Variants in ADAMTS6 observed in about 807,000 individuals in gnomAD.
ADAMTS6 encodes the protein A disintegrin and metalloproteinase with thrombospondin motifs 6.
A neutral mutation model predicts 144.3 loss-of-function variants in ADAMTS6; 23 were observed. The observed-to-expected ratio is 0.16, with a 90% CI of 0.11 to 0.23. ADAMTS6 has a LOEUF of 0.23. Among genes scored for constraint, ADAMTS6 ranks in the 10% least tolerant of loss-of-function variants. ADAMTS6 has a pLI of 1.00. For synonymous variants in ADAMTS6, 444 were observed against 457.5 expected (o/e 0.97, Z 0.38); for missense variants, 999 against 1,379.6 (o/e 0.72, Z 4.37).
intron 11 of ADAMTS6, among the ~76,000 whole-genome samples, chr5:65,276,692 G>A (rs1330013849): frequency 9.9e-5 from 15 of 152,138 alleles, no homozygotes; most frequent in Non-Finnish European, 1.5e-5. Flanking sequence ...CATATTAGTT[G>A]CTGAATAAGC....
At position 65,452,710 on chromosome 5, in the gene ADAMTS6, A is replaced by T; in HGVS notation, c.840T>A (p.Asn280Lys). The T allele has an allele frequency of 6.2e-7, 1 of 1,613,970 alleles. No individual in the cohort carries two copies. Among genetic ancestry groups the T allele is most frequent in the Admixed American group, 1.7e-5 (1 of 60,018 alleles). Residue 280 changes from asparagine to lysine, a missense_variant, in exon 5 of 25, where the codon AAT becomes AAA. By Grantham distance (94) the Asn-to-Lys change is moderately conservative. Around this residue, in one of 3 missense-constraint regions of ADAMTS6, gnomAD observed 128 missense variants for 249.0 expected, o/e 0.51. Transcript: ENST00000381055. ...DIEHYILSVM[N>K]IVAKLYRDSS... Reference sequence around the variant, plus strand: ...TATATAGAGGGATCAAACTTACAATATTCATCACACTCAAAATGTAATGTT... The same window carrying T: ...TATATAGAGGGATCAAACTTACAATTTTCATCACACTCAAAATGTAATGTT...
intron 7 of ADAMTS6, among the ~76,000 whole-genome samples, chr5:65,396,302 T>G (rs1753332321): frequency 6.6e-6 from 1 of 152,186 alleles, no homozygotes; most frequent in Non-Finnish European, 1.5e-5. Flanking sequence ...TAATAATTAT[T>G]GCCAAGAATT....
chr5:65,192,398 T>C (rs1446627508), intron 21 of ADAMTS6, among the ~76,000 whole-genome samples: 2 of 152,056 alleles, frequency 1.3e-5, no homozygotes, highest in African/African-American at 4.8e-5. Context: ...GGTCACAATA[T>C]TATTAAAATG....
intron 9 of ADAMTS6, among the ~76,000 whole-genome samples, chr5:65,302,746 G>T (rs1214097870): frequency 6.6e-6 from 1 of 152,104 alleles, no homozygotes; most frequent in Non-Finnish European, 1.5e-5. Context: ...ATGCTACTGT[G>T]TTAACACTAT....
chr5:65,247,088 A>G (rs970861702), intron 14 of ADAMTS6, among the ~76,000 whole-genome samples: 7 of 152,204 alleles, frequency 4.6e-5, no homozygotes, highest in Admixed American at 2.0e-4. Flanking sequence ...ACAGATTTTC[A>G]GCCTTCTAGT....
chr5:65,417,688 C>A (rs1231192770), intron 7 of ADAMTS6, among the ~76,000 whole-genome samples: 4 of 152,102 alleles, frequency 2.6e-5, no homozygotes, highest in African/African-American at 4.8e-5. Context: ...GGTAAAAGAT[C>A]TTTACAAGGA....
intron 24 of ADAMTS6, among the ~76,000 whole-genome samples, chr5:65,159,579 G>C (rs1435675146): frequency 6.6e-6 from 1 of 152,160 alleles, no homozygotes; most frequent in Admixed American, 6.5e-5. Flanking sequence ...GTCCAGCTCA[G>C]CTTGCCTTCT....
intron 20 of ADAMTS6, among the ~76,000 whole-genome samples, chr5:65,212,423 C>T (rs1255575080): frequency 1.1e-4 from 12 of 107,842 alleles, no homozygotes; most frequent in Non-Finnish European, 1.8e-4. Context: ...TTTTCTCTCT[C>T]TTTTTTTTTT....
In ADAMTS6 at chr5:65,473,694, T is replaced by G. The variant is rs770295423; in HGVS notation, c.-21A>C. 1.3e-6 allele frequency: 2 copies of G among 1,577,454 alleles called. No homozygotes were observed. Among genetic ancestry groups the G allele is most frequent in the Non-Finnish European group, 8.7e-7 (1 of 1,146,802 alleles). ...TCCATAATTTAGAAAACTGGATGAT[T>G]TTTTTGAGGGCTACCTATGTGCTAA... On this transcript the variant is annotated 5_prime_UTR_variant, in exon 2 of 25. Transcript: ENST00000381055.
At chr5:65,178,427 C>T (rs1467888214) in intron 22 of ADAMTS6, among the ~76,000 whole-genome samples, 1 of 152,178 alleles carries the variant, frequency 6.6e-6, no homozygotes, top group Non-Finnish European at 1.5e-5. Context: ...ATTGGATAAA[C>T]TACATCTATT....
chr5:65,435,938 A>G (rs1048889104), intron 7 of ADAMTS6, among the ~76,000 whole-genome samples: 2 of 152,142 alleles, frequency 1.3e-5, no homozygotes, highest in Non-Finnish European at 2.9e-5. Flanking sequence ...AAAATTTTTT[A>G]AATAAAAACA....
At chr5:65,243,545 G>C (rs1269248676) in intron 14 of ADAMTS6, among the ~76,000 whole-genome samples, 4 of 151,998 alleles carry the variant, frequency 2.6e-5, no homozygotes, top group African/African-American at 9.7e-5. Flanking sequence ...GCCAAATCTA[G>C]TGATTAATCT....
Position 65,161,984 on chromosome 5 carries a change from GCTTA to G in ADAMTS6, c.3244+8629_3244+8632del, listed in dbSNP as rs962234285. Among the ~76,000 whole-genome samples, 5 of 152,052 alleles carry G rather than the reference GCTTA, an allele frequency of 3.3e-5. No individual in the cohort carries two copies. The South Asian group carries it at 8.3e-4, about 25-fold the overall frequency. On this transcript the variant is annotated intron_variant, in intron 24 of 24. Transcript: ENST00000381055. ...GAAGTCTAAATATATTGTTTTTACT[GCTTA>G]CTTTAGAATAATATTAATAAAAAGC...
chr5:65,293,774 A>T (rs1742554315), intron 10 of ADAMTS6, among the ~76,000 whole-genome samples: 3 of 151,740 alleles, frequency 2.0e-5, no homozygotes, highest in African/African-American at 7.3e-5. Context: ...TGTGGTCAAA[A>T]CTCTTCTAAG....
intron 7 of ADAMTS6, among the ~76,000 whole-genome samples, chr5:65,377,964 C>A (rs1357891825): frequency 6.6e-6 from 1 of 152,170 alleles, no homozygotes; most frequent in Non-Finnish European, 1.5e-5. Context: ...ATTTCAGTAT[C>A]TGGTTCTACC....
intron 9 of ADAMTS6, among the ~76,000 whole-genome samples, chr5:65,328,836 T>A (rs1462157856): frequency 2.0e-5 from 3 of 151,986 alleles, no homozygotes; most frequent in African/African-American, 7.2e-5. Flanking sequence ...AAAACAAACA[T>A]TAAAACCTTC....
Position 65,334,105 on chromosome 5 carries a change from G to T in ADAMTS6, c.1074-20C>A. ...TCATATCTATGGAGAAAACAGAGAT[G>T]AAATTTGTAATCTGATCAGATTTGT... is the stretch of plus-strand genomic sequence containing the variant. On this transcript the variant is annotated intron_variant, in intron 7 of 24. Transcript: ENST00000381055. The T allele has an allele frequency of 6.8e-7, 1 of 1,480,878 alleles. No homozygotes were observed. Among genetic ancestry groups the T allele is most frequent in the Non-Finnish European group, 9.0e-7 (1 of 1,116,494 alleles). The allele number at this position is 1,480,878 out of a possible 1,614,324, so 91.7% of individuals were successfully genotyped here. A position where few individuals can be genotyped will look rare whatever the true frequency, so the allele number is the denominator to read the frequency against.
intron 3 of ADAMTS6, among the ~76,000 whole-genome samples, chr5:65,460,573 A>G (rs1022227549): frequency 6.6e-6 from 1 of 152,228 alleles, no homozygotes; most frequent in Non-Finnish European, 1.5e-5. Context: ...AGCATGTCAC[A>G]TACGTGATTT....
intron 3 of ADAMTS6, among the ~76,000 whole-genome samples, chr5:65,461,851 A>G (rs1759661555): frequency 6.6e-6 from 1 of 152,226 alleles, no homozygotes; most frequent in South Asian, 2.1e-4. Context: ...GAAAACCTCT[A>G]GTCCAGATAA....
Sources: allele counts gnomAD v4.1 joint callset (sites outside exome capture counted in the v4.1 genomes callset), GRCh38; gene constraint gnomAD v4.1.1; regional missense constraint gnomAD v4.1.1; transcripts MANE v1.5; gene names NCBI Gene and HGNC (gene_info 2026-07-23, HGNC 2026-07-21).